TRIOBP: variants seen among roughly 807,000 people sequenced by gnomAD.
TRIOBP encodes TRIO and F-actin binding protein, also known as TRIO and F-actin-binding protein.
In TRIOBP, 169 loss-of-function variants were observed where a neutral mutation model predicts 238.8. The ratio of observed to expected loss-of-function variants is 0.71; its 90% confidence interval spans 0.62 to 0.80. The LOEUF (loss-of-function observed/expected upper bound fraction) is 0.80. TRIOBP is among the 30% of genes least tolerant of loss of function. TRIOBP has a pLI of 0.00. For synonymous variants in TRIOBP, 1,150 were observed against 1,274.4 expected (o/e 0.90, Z 2.08); for missense variants, 2,838 against 3,122.6 (o/e 0.91, Z 2.17).
rs187155926 is a variant in TRIOBP at position 37,750,992 on chromosome 22, C to T, written c.5323-780C>T. 7.5e-5 allele frequency: 28 copies of T among 372,794 alleles called. No individual in the cohort carries two copies. In the East Asian group the frequency reaches 1.1e-3, roughly 15 times the overall value. The allele number at this position is 372,794 out of a possible 1,614,324, so 23.1% of individuals were successfully genotyped here. A position where few individuals can be genotyped will look rare whatever the true frequency, so the allele number is the denominator to read the frequency against. Reference sequence around the variant, plus strand: ...CCAGGAGCGGAGACTGCAGAGGGACCGGGACTTAGATGAGAGAGGTCTCCC... The same window carrying T: ...CCAGGAGCGGAGACTGCAGAGGGACTGGGACTTAGATGAGAGAGGTCTCCC... On this transcript the variant is annotated intron_variant, in intron 11 of 23. Coordinates refer to ENST00000644935, the MANE Select transcript of TRIOBP (RefSeq NM_001039141.3).
In TRIOBP at chr22:37,746,215, GA is replaced by G. The variant is rs58335859; in HGVS notation, c.5322+5200del. The G allele has an allele frequency of 0.018, 16,836 of 941,274 alleles. 29 individuals carry two copies. The highest frequency in any genetic ancestry group is 0.047 in the African/African-American group (2,159 of 46,136). 58.3% of individuals were successfully genotyped at this position (941,274 alleles called of 1,614,324 possible). ...CCGCTCGGGTCCTCCCAGGAAGTTT[GA>G]AAAAAAAAAAAAAAAAGTTTTATGG... On this transcript the variant is annotated intron_variant, in intron 11 of 23. Transcript: ENST00000644935.
rs13055217 is a variant in TRIOBP at position 37,713,108 on chromosome 22, G to T, written c.255-102G>T. 0.3 allele frequency: 315,162 copies of T among 1,060,102 alleles called. 49,487 individuals are homozygous for T. Among genetic ancestry groups the T allele is most frequent in the South Asian group, 0.39 (26,875 of 69,198 alleles). 65.7% of individuals were successfully genotyped at this position (1,060,102 alleles called of 1,614,324 possible). A position where few individuals can be genotyped will look rare whatever the true frequency, so the allele number is the denominator to read the frequency against. On this transcript the variant is annotated intron_variant, in intron 4 of 23. Coordinates refer to ENST00000644935, the MANE Select transcript of TRIOBP (RefSeq NM_001039141.3). The stretch of plus-strand genomic sequence containing the variant: ...CATTGGCTCCCTTTCCCACACCAGC[G>T]TGTGGGCCCCAGGCTCCCTGTGTGA...
At chr22:37,699,867 C>CATTT (rs894595367) in intron 2 of TRIOBP, among the ~76,000 whole-genome samples, 435 of 150,966 alleles carry the variant, frequency 2.9e-3, no homozygotes, top group African/African-American at 6.4e-3. Flanking sequence ...TTTTCATTTT[C>CATTT]ATTTATTTAT....
rs935689629 is a variant in TRIOBP at position 37,726,628 on chromosome 22, G to T, written c.3947+125G>T. ...CTGGCTTGCCATTTACCGGCTGTGT[G>T]ACCTTGGGCAAATCGCTCCATTTCT... On this transcript the variant is annotated intron_variant, in intron 7 of 23. Coordinates refer to ENST00000644935, the MANE Select transcript of TRIOBP (RefSeq NM_001039141.3). 3.7e-5 allele frequency: 38 copies of T among 1,023,494 alleles called. No homozygotes were observed. In the Admixed American group the frequency reaches 6.7e-4, roughly 18 times the overall value. 63.4% of individuals were successfully genotyped at this position (1,023,494 alleles called of 1,614,324 possible).
chr22:37,759,448 A>G, intron 17 of TRIOBP, 184 bp downstream of exon 17: 1 of 1,462,560 alleles, frequency 6.8e-7, no homozygotes, highest in Non-Finnish European at 9.6e-7. Context: ...CCCGTTTTAC[A>G]GACAAGGCCA....
intron 11 of TRIOBP, chr22:37,746,327 C>T (rs1925260353): frequency 8.7e-7 from 1 of 1,151,490 alleles, no homozygotes; most frequent in Admixed American, 4.8e-5. Flanking sequence ...GCGGCGGCGG[C>T]GGCGGCGGGG....
rs772024390 is a variant in TRIOBP, at chr22:37,755,541, G to T, written c.5578-9G>T. The T allele has an allele frequency of 1.2e-6, 2 of 1,612,444 alleles. No homozygotes were observed. The highest frequency in any genetic ancestry group is 2.2e-5 in the South Asian group (2 of 91,046). ...CATGTGGCAACCTACCCATGCGGTG[G>T]CCTTGCAGACCAAGGATGCTGTCTA... On this transcript the variant is annotated splice_polypyrimidine_tract_variant and intron_variant, in intron 14 of 23. Transcript: ENST00000644935.
intron 4 of TRIOBP, among the ~76,000 whole-genome samples, chr22:37,711,598 A>AC (rs1569034710): frequency 1.0e-4 from 15 of 149,472 alleles, no homozygotes; most frequent in African/African-American, 2.2e-4. Flanking sequence ...AAAAACAACA[A>AC]AAAAAAAAAA....
intron 18 of TRIOBP, among the ~76,000 whole-genome samples, chr22:37,767,302 C>A: frequency 7.8e-5 from 1 of 12,828 alleles, no homozygotes; most frequent in Non-Finnish European, 1.4e-4. Flanking sequence ...GAGACTCTGT[C>A]TCAAAAAAAA....
At position 37,769,269 on chromosome 22, in the gene TRIOBP, A is replaced by G. The variant is rs1474960320; in HGVS notation, c.6743A>G (p.His2248Arg). 12 of 1,610,866 alleles carry G rather than the reference A, an allele frequency of 7.4e-6. No homozygotes were observed. The highest frequency in any genetic ancestry group is 1.7e-4 in the Middle Eastern group (1 of 6,052). Residue 2248 changes from histidine to arginine, a missense_variant, in exon 21 of 24, where the codon CAT (histidine) becomes CGT (arginine). Physicochemically the swap from His to Arg is conservative, Grantham distance 29. Around this residue, in one of 5 missense-constraint regions of TRIOBP, gnomAD observed 2,096 missense variants for 2,137.4 expected, o/e 0.98. Transcript: ENST00000644935. ...QELLRHNQELHGRLSEEIDQL... is the reference protein window; with the variant it reads ...QELLRHNQELRGRLSEEIDQL... ...CCACCGTGCCTCTCCCAGGAGCTGC[A>G]TGGCCGCCTGTCAGAGGAGATAGAC... is the stretch of plus-strand genomic sequence containing the variant.
At chr22:37,703,980 C>G (rs1457642964) in intron 3 of TRIOBP, among the ~76,000 whole-genome samples, 1 of 152,142 alleles carries the variant, frequency 6.6e-6, no homozygotes, top group Non-Finnish European at 1.5e-5. Context: ...GAGTTCTAGT[C>G]TCAATCCCAC....
intron 17 of TRIOBP, among the ~76,000 whole-genome samples, chr22:37,761,576 T>G (rs1360133677): frequency 6.6e-6 from 1 of 151,712 alleles, no homozygotes; most frequent in Non-Finnish European, 1.5e-5. Context: ...GAGGGCCAGG[T>G]GTAAGGCATT....
chr22:37,756,669 T>A (rs1214202968), intron 15 of TRIOBP, among the ~76,000 whole-genome samples: 11 of 152,176 alleles, frequency 7.2e-5, no homozygotes, highest in Admixed American at 6.5e-4. Flanking sequence ...TGGGGCTCGC[T>A]CTGCCGTTTC....
At position 37,713,336 on chromosome 22, in the gene TRIOBP, C is replaced by A. The variant is rs200112121; in HGVS notation, c.381C>A (p.Asn127Lys). 6.2e-7 allele frequency: 1 copy of A among 1,613,872 alleles called. No homozygotes were observed. Among genetic ancestry groups the A allele is most frequent in the Admixed American group, 1.7e-5 (1 of 59,984 alleles). The part of the protein sequence containing the change: ...GLTTSLCGSC[N>K]EDPGSDPTSS... ...CCACTTCCTTGTGTGGCAGCTGCAACGAGGACCCCGGCTCTGACCCCACCT... is the reference window on the plus strand; with the variant it reads ...CCACTTCCTTGTGTGGCAGCTGCAAAGAGGACCCCGGCTCTGACCCCACCT... Residue 127 changes from asparagine (N) to lysine (K), a missense_variant, in exon 5 of 24, where the codon AAC becomes AAA. Asn to Lys is a moderately conservative substitution (Grantham distance 94). Coordinates refer to ENST00000644935, the MANE Select transcript of TRIOBP (RefSeq NM_001039141.3).
At chr22:37,701,285 C>A in intron 2 of TRIOBP, 21 bp from the exon 3 acceptor site, 1 of 1,129,234 alleles carries the variant, frequency 8.9e-7, no homozygotes, top group Non-Finnish European at 1.3e-6. Context: ...CTGGTCTTTG[C>A]CTCCCCCTCA....
rs1259118798 is a variant in TRIOBP at position 37,755,546 on chromosome 22, G to A, written c.5578-4G>A. The A allele has an allele frequency of 3.1e-6, 5 of 1,613,714 alleles. No homozygotes were observed. Among genetic ancestry groups the A allele is most frequent in the Middle Eastern group, 1.6e-4 (1 of 6,062 alleles). ...GGCAACCTACCCATGCGGTGGCCTT[G>A]CAGACCAAGGATGCTGTCTATACCT... is the stretch of plus-strand genomic sequence containing the variant. On this transcript the variant is annotated splice_polypyrimidine_tract_variant and splice_region_variant and intron_variant, in intron 14 of 23. Coordinates refer to ENST00000644935, the MANE Select transcript of TRIOBP (RefSeq NM_001039141.3).
intron 19 of TRIOBP, 131 bp downstream of exon 19, chr22:37,768,307 G>A: frequency 1.3e-6 from 1 of 782,032 alleles, no homozygotes; most frequent in Non-Finnish European, 2.2e-6. Flanking sequence ...ATGGATGCAA[G>A]AAACAGAAGC....
intron 11 of TRIOBP, chr22:37,746,337 G>C: frequency 8.6e-7 from 1 of 1,166,900 alleles, no homozygotes; most frequent in South Asian, 4.1e-5. Context: ...CGGCGGCGGG[G>C]TTCCCGCGCC....
At chr22:37,740,040 G>A (rs1251983110) in intron 10 of TRIOBP, among the ~76,000 whole-genome samples, 2 of 151,754 alleles carry the variant, frequency 1.3e-5, no homozygotes, top group Non-Finnish European at 2.9e-5. Flanking sequence ...GAGTCGGAGC[G>A]CCATCAAAGA....
Sources: allele counts gnomAD v4.1 joint callset (sites outside exome capture counted in the v4.1 genomes callset), GRCh38; gene constraint gnomAD v4.1.1; regional missense constraint gnomAD v4.1.1; transcripts MANE v1.5; gene names NCBI Gene and HGNC (gene_info 2026-07-23, HGNC 2026-07-21).